DOK6: variants seen among roughly 807,000 people sequenced by gnomAD.
The protein encoded by DOK6 is downstream of tyrosine kinase 6.
In DOK6, 22 loss-of-function variants were observed where a neutral mutation model predicts 44.0. The ratio of observed to expected loss-of-function variants is 0.50; its 90% CI spans 0.36 to 0.71. The LOEUF is 0.71. DOK6 is among the 30% of genes least tolerant of loss of function. The probability of loss-of-function intolerance (pLI) is 0.00; values close to 1 mark genes in which losing one functional copy is unlikely to be tolerated. For missense variants in DOK6, 340 were observed against 416.4 expected, an observed-to-expected ratio of 0.82 and a Z score of 1.60; for synonymous variants, 166 against 145.5, an observed-to-expected ratio of 1.14 and a Z score of -1.01.
chr18:69,553,406 T>C (rs1397996680), intron 1 of DOK6, among the ~76,000 whole-genome samples: 3 of 152,218 alleles, frequency 2.0e-5, no homozygotes, highest in African/African-American at 4.8e-5. Context: ...CCACCTCTGG[T>C]ACAACACAGT....
Position 69,709,431 on chromosome 18 carries a change from A to G in DOK6, c.599+10838A>G, listed in dbSNP as rs1003977359. Among the ~76,000 whole-genome samples the G allele has an allele frequency of 4.6e-5, 7 of 152,176 alleles. No individual in the cohort carries two copies. The South Asian group carries it at 6.2e-4, about 13-fold the overall frequency. ...CAATATTTTTTAAAAAAATATGTTG[A>G]TAGATGTGGATTCAAGTCATCTACT... On this transcript the variant is annotated intron_variant, in intron 5 of 7. Coordinates refer to ENST00000382713, the MANE Select transcript of DOK6 (RefSeq NM_152721.6).
At chr18:69,625,596 G>A (rs968769043) in intron 3 of DOK6, among the ~76,000 whole-genome samples, 3 of 152,186 alleles carry the variant, frequency 2.0e-5, no homozygotes, top group African/African-American at 7.2e-5. Context: ...TTCAAATCAA[G>A]AAGCGTTCAA....
intron 3 of DOK6, among the ~76,000 whole-genome samples, chr18:69,672,063 C>T (rs1242988580): frequency 6.6e-6 from 1 of 152,118 alleles, no homozygotes; most frequent in African/African-American, 2.4e-5. Flanking sequence ...GGAAAGGTGT[C>T]ACATCTAAAC....
intron 1 of DOK6, among the ~76,000 whole-genome samples, chr18:69,489,573 G>C (rs1980678522): frequency 6.6e-6 from 1 of 152,082 alleles, no homozygotes; most frequent in Admixed American, 6.5e-5. Flanking sequence ...TCGATTATAG[G>C]TTACCTCAGA....
At chr18:69,570,933 G>T (rs1203763678) in intron 2 of DOK6, among the ~76,000 whole-genome samples, 1 of 151,988 alleles carries the variant, frequency 6.6e-6, no homozygotes, top group Non-Finnish European at 1.5e-5. Flanking sequence ...GAGTTCTTCA[G>T]GCAGATTATA....
At chr18:69,810,613 T>C (rs1981194539) in intron 7 of DOK6, among the ~76,000 whole-genome samples, 1 of 151,456 alleles carries the variant, frequency 6.6e-6, no homozygotes, top group Non-Finnish European at 1.5e-5. Flanking sequence ...CTCAAACAAC[T>C]AAAAAGCAAG....
In DOK6 at chr18:69,613,253, G is replaced by A. The variant is rs1984206851; in HGVS notation, c.289+13755G>A. On this transcript the variant is annotated intron_variant, in intron 3 of 7. Transcript: ENST00000382713. ...AGTGAACAACCAGCGTGCTGCGTAT[G>A]TGTGTGTGTGCATGTGTGTGTAAAA... 2.0e-5 allele frequency among the ~76,000 whole-genome samples: 3 copies of A among 152,222 alleles called. No individual in the cohort carries two copies. The South Asian group carries it at 6.2e-4, about 32-fold the overall frequency.
intron 1 of DOK6, among the ~76,000 whole-genome samples, chr18:69,499,333 G>A (rs931155317): frequency 1.3e-5 from 2 of 151,738 alleles, no homozygotes; most frequent in African/African-American, 4.8e-5. Context: ...ATAGAAAACT[G>A]TTTTTAACTC....
At chr18:69,477,438 GT>G (rs1214420028) in intron 1 of DOK6, among the ~76,000 whole-genome samples, 44 of 152,200 alleles carry the variant, frequency 2.9e-4, no homozygotes, top group African/African-American at 1.0e-3. Context: ...GTATTTCTTT[GT>G]TTGCCATAGC....
At chr18:69,789,766 T>G (rs1443796208) in intron 7 of DOK6, among the ~76,000 whole-genome samples, 1 of 152,200 alleles carries the variant, frequency 6.6e-6, no homozygotes, top group Non-Finnish European at 1.5e-5. Flanking sequence ...GGCTAACCAT[T>G]AAGATACCAG....
At chr18:69,584,148 C>A in intron 2 of DOK6, among the ~76,000 whole-genome samples, 1 of 150,730 alleles carries the variant, frequency 6.6e-6, no homozygotes, top group East Asian at 2.0e-4. Flanking sequence ...AAATAAAATT[C>A]TAAAGACTCC....
chr18:69,536,632 T>C (rs1982129825), intron 1 of DOK6, among the ~76,000 whole-genome samples: 1 of 152,186 alleles, frequency 6.6e-6, no homozygotes, highest in Non-Finnish European at 1.5e-5. Flanking sequence ...TTATTCTTGG[T>C]CTAAACATCA....
chr18:69,840,535 T>C (rs1415634504), intron 7 of DOK6, among the ~76,000 whole-genome samples: 2 of 152,366 alleles, frequency 1.3e-5, no homozygotes, highest in East Asian at 1.9e-4. Context: ...CGGTTTGCGA[T>C]AGACTATTTC....
chr18:69,779,689 C>CGT (rs58775349), intron 7 of DOK6, among the ~76,000 whole-genome samples: 5,599 of 146,774 alleles, frequency 0.038, 274 homozygotes, highest in African/African-American at 0.12. Flanking sequence ...CTCTCTGCCC[C>CGT]GTGTGTGTGT....
At chr18:69,429,455 C>T (rs1054637252) in intron 1 of DOK6, among the ~76,000 whole-genome samples, 1 of 151,372 alleles carries the variant, frequency 6.6e-6, no homozygotes, top group Non-Finnish European at 1.5e-5. Context: ...TTTTATATTT[C>T]TATCAAAAAT....
At chr18:69,721,423 C>CA (rs1369748957) in intron 5 of DOK6, 1 of 152,030 alleles carries the variant, frequency 6.6e-6, no homozygotes, top group Non-Finnish European at 1.5e-5. Flanking sequence ...AGATCTTTAA[C>CA]AAAAAATAAA....
At position 69,689,226 on chromosome 18, in the gene DOK6, C is replaced by T. The variant is rs182057817; in HGVS notation, c.410-9178C>T. Among the ~76,000 whole-genome samples the T allele has an allele frequency of 2.8e-4, 42 of 152,252 alleles. 1 individual carries two copies. Among genetic ancestry groups the T allele is most frequent in the African/African-American group, 9.9e-4 (41 of 41,550 alleles). On this transcript the variant is annotated intron_variant, in intron 4 of 7. Transcript: ENST00000382713. The stretch of plus-strand genomic sequence containing the variant: ...AACTGAAAAGTGGTGTAAGATAACT[C>T]TCTGTGGGGACAGAAGCATTACATG...
At chr18:69,770,224 C>T (rs1979847519) in intron 7 of DOK6, among the ~76,000 whole-genome samples, 1 of 151,980 alleles carries the variant, frequency 6.6e-6, no homozygotes, top group Non-Finnish European at 1.5e-5. Flanking sequence ...ATTATTGTCC[C>T]CATTTTACAA....
chr18:69,438,867 T>C (rs1979057239), intron 1 of DOK6, among the ~76,000 whole-genome samples: 1 of 152,092 alleles, frequency 6.6e-6, no homozygotes, highest in African/African-American at 2.4e-5. Context: ...ACCCAGGTAT[T>C]CAAGACGAGC....
Sources: gnomAD v4.1 joint callset for allele counts (sites outside exome capture counted in the v4.1 genomes callset) on GRCh38, gnomAD v4.1.1 for gene constraint, MANE v1.5 for transcripts, NCBI Gene and HGNC (gene_info 2026-07-23, HGNC 2026-07-21) for gene names.